The following KDM4A variants were observed in gnomAD, a reference collection of about 807,000 sequenced individuals.
The protein encoded by KDM4A is lysine demethylase 4A, also known as lysine-specific demethylase 4A.
Under a neutral mutation model 127.1 loss-of-function variants are expected in KDM4A, and 23 were observed. The ratio of observed to expected loss-of-function variants is 0.18; its 90% CI spans 0.13 to 0.26. The LOEUF (loss-of-function observed/expected upper bound fraction) is 0.26, where lower values mean the gene tolerates loss of function less well. Ranked by LOEUF, KDM4A falls within the 10% of genes least tolerant of loss-of-function variation. The pLI is 1.00. For missense variants in KDM4A, 890 were observed against 1,329.1 expected, an observed-to-expected ratio of 0.67 and a Z score of 5.14; for synonymous variants, 443 against 466.5, an observed-to-expected ratio of 0.95 and a Z score of 0.65.
rs142710744 is a variant in KDM4A, at chr1:43,651,505, C to T, written c.-40+1253C>T. Among the ~76,000 whole-genome samples, 1,198 of 152,336 alleles carry T rather than the reference C, an allele frequency of 7.9e-3. 6 individuals are homozygous for T. Among genetic ancestry groups the T allele is most frequent in the Non-Finnish European group, 0.012 (832 of 68,034 alleles). On this transcript the variant is annotated intron_variant, in intron 1 of 21. Coordinates refer to ENST00000372396, the MANE Select transcript of KDM4A (RefSeq NM_014663.3). ...GATTTGCCTTCTCTCCTACCTTACA[C>T]AGTTGTGCTCCGTGTTCTGCTCCCA... is the stretch of plus-strand genomic sequence containing the variant.
rs751664578 is a variant in KDM4A at position 43,703,614 on chromosome 1, C to T, written c.2842-3C>T. 2 of 1,613,698 alleles carry T rather than the reference C, an allele frequency of 1.2e-6. No individual in the cohort carries two copies. Among genetic ancestry groups the T allele is most frequent in the South Asian group, 2.2e-5 (2 of 91,052 alleles). On this transcript the variant is annotated splice_polypyrimidine_tract_variant and splice_region_variant and intron_variant, in intron 19 of 21. Transcript: ENST00000372396. ...TCACCCTCCTTCCTTCCTGTTTCCT[C>T]AGAGCCAGGACTGTCTCCAGTTTGG...
At position 43,653,248 on chromosome 1, in the gene KDM4A, C is replaced by T; in HGVS notation, c.73C>T (p.Arg25Ter). 1 of 1,613,950 alleles carries T rather than the reference C, an allele frequency of 6.2e-7. No individual in the cohort carries two copies. The highest frequency in any genetic ancestry group is 8.5e-7 in the Non-Finnish European group (1 of 1,179,910). The change falls in exon 2 of 22, where the codon CGA (arginine) becomes TGA (stop). Residue 25 changes from arginine to a stop codon, truncating the protein, a stop_gained. Coordinates refer to ENST00000372396, the MANE Select transcript of KDM4A (RefSeq NM_014663.3). LOFTEE classifies it high-confidence loss of function. ...MTFYPTMEEF[R>*]NFSRYIAYIE... ...CTTTTATCCAACTATGGAAGAGTTC[C>T]GAAACTTCAGTAGATACATTGCCTA...
At chr1:43,661,175 A>G (rs1415717042) in intron 4 of KDM4A, among the ~76,000 whole-genome samples, 5 of 151,814 alleles carry the variant, frequency 3.3e-5, no homozygotes, top group East Asian at 1.9e-4. Flanking sequence ...GGGTTTCTCC[A>G]TGTTGCTCAG....
At chr1:43,692,230 T>C in intron 15 of KDM4A, 26 bp from the exon 16 acceptor site, 1 of 1,612,532 alleles carries the variant, frequency 6.2e-7, no homozygotes, top group Non-Finnish European at 8.5e-7. Context: ...ATTAACCACT[T>C]TTTCCTCCCT....
Position 43,704,328 on chromosome 1 carries a change from A to G in KDM4A, c.3153A>G (p.Glu1051=), listed in dbSNP as rs775659157. The change falls in exon 22 of 22, where the codon GAA becomes GAG. Residue 1051 remains glutamate (E), a synonymous_variant. Coordinates refer to ENST00000372396, the MANE Select transcript of KDM4A (RefSeq NM_014663.3). ...RQRVINSRYR[E]DYIEPALYRA... ...GAGTTATCAACTCAAGATACCGGGA[A>G]GATTATATTGAGCCTGCACTATACC... 3 of 1,613,898 alleles carry G rather than the reference A, an allele frequency of 1.9e-6. No homozygotes were observed. The highest frequency in any genetic ancestry group is 2.5e-6 in the Non-Finnish European group (3 of 1,180,038).
chr1:43,658,866 T>C (rs1436024626), intron 3 of KDM4A, among the ~76,000 whole-genome samples: 3 of 151,920 alleles, frequency 2.0e-5, no homozygotes, highest in African/African-American at 7.2e-5. Context: ...TCTCAAACTC[T>C]TGGGCTCAAG....
At chr1:43,692,597 G>A (rs1392378085) in intron 16 of KDM4A, among the ~76,000 whole-genome samples, 2 of 152,188 alleles carry the variant, frequency 1.3e-5, no homozygotes, top group African/African-American at 4.8e-5. Context: ...AGACGAAGAT[G>A]ATGCGCAGGG....
In KDM4A at chr1:43,703,765, T is replaced by TG. The variant is rs569829326; in HGVS notation, c.2961+35dup. ...TCCAAAGTTCTACCTTTCTAGGGAG[T>TG]GGGGGGTGCTTGATTAATTCTGTGC... On this transcript the variant is annotated intron_variant, in intron 20 of 21. Coordinates refer to ENST00000372396, the MANE Select transcript of KDM4A (RefSeq NM_014663.3). The TG allele has an allele frequency of 2.5e-6, 4 of 1,612,736 alleles. No homozygotes were observed. The South Asian group carries it at 3.3e-5, about 13-fold the overall frequency.
At chr1:43,676,005 T>G (rs1570843180) in intron 11 of KDM4A, among the ~76,000 whole-genome samples, 1 of 136,364 alleles carries the variant, frequency 7.3e-6, no homozygotes, top group Admixed American at 7.9e-5. Flanking sequence ...CCTGGGGTGG[T>G]GGGGGGCGGA....
chr1:43,704,288 A>T lies in KDM4A; in HGVS notation c.3113A>T (p.Glu1038Val). ...TTCACAGAGAAAGAGGTTAAGCAAG[A>T]AAAGAAACGGCAACGAGTTATCAAC... ...EIFTEKEVKQ[E>V]KKRQRVINSR... is the part of the protein sequence containing the mutation. The change falls in exon 22 of 22, where the codon GAA becomes GTA. Residue 1038 changes from glutamate (E) to valine (V), a missense_variant. Glu to Val is a moderately radical substitution (Grantham distance 121). Transcript: ENST00000372396. 2 of 1,614,162 alleles carry T rather than the reference A, an allele frequency of 1.2e-6. No homozygotes were observed. Among genetic ancestry groups the T allele is most frequent in the Non-Finnish European group, 1.7e-6 (2 of 1,180,030 alleles).
At chr1:43,661,470 G>A (rs1660375232) in intron 4 of KDM4A, among the ~76,000 whole-genome samples, 1 of 151,324 alleles carries the variant, frequency 6.6e-6, no homozygotes, top group South Asian at 2.1e-4. Context: ...GTAGCCTGCA[G>A]TAGCGGGCGC....
chr1:43,704,170 A>T, intron 21 of KDM4A, 58 bp downstream of exon 21: 2 of 1,613,270 alleles, frequency 1.2e-6, no homozygotes, highest in Admixed American at 1.7e-5. Flanking sequence ...CAAGTCAAGG[A>T]TGCATCCCTT....
intron 6 of KDM4A, 88 bp downstream of exon 6, chr1:43,665,833 G>C (rs1660489521): frequency 7.3e-7 from 1 of 1,373,242 alleles, no homozygotes; most frequent in South Asian, 1.2e-5. Flanking sequence ...CCCATGGTCA[G>C]ATACTTGCAG....
chr1:43,681,911 A>T (rs1370794733), intron 11 of KDM4A, among the ~76,000 whole-genome samples: 2 of 152,164 alleles, frequency 1.3e-5, no homozygotes, highest in Non-Finnish European at 2.9e-5. Flanking sequence ...TTACATGGTT[A>T]AGACTGTCGG....
chr1:43,681,908 GT>G (rs139754583), intron 11 of KDM4A, among the ~76,000 whole-genome samples: 37,321 of 152,084 alleles, frequency 0.25, 5,000 homozygotes, highest in Non-Finnish European at 0.3. Context: ...TATTTACATG[GT>G]TAAGACTGTC....
rs1660615514 is a variant in KDM4A, at chr1:43,671,451, G to A, written c.1364-54G>A. On this transcript the variant is annotated intron_variant, in intron 10 of 21. Transcript: ENST00000372396. ...GTGCTTTGCCCTCTGCCTTTCATCA[G>A]GTTCACATGTGCAGGAGGAACTTGG... 7 of 1,489,326 alleles carry A rather than the reference G, an allele frequency of 4.7e-6. No homozygotes were observed. The South Asian group carries it at 1.0e-4, about 21-fold the overall frequency. The allele number at this position is 1,489,326 out of a possible 1,614,324, so 92.3% of individuals were successfully genotyped here. A position where few individuals can be genotyped will look rare whatever the true frequency, so the allele number is the denominator to read the frequency against.
At chr1:43,669,432 T>C in intron 10 of KDM4A, 133 bp downstream of exon 10, 1 of 884,916 alleles carries the variant, frequency 1.1e-6, no homozygotes, top group Non-Finnish European at 1.8e-6. Flanking sequence ...ATACTTGGAG[T>C]GTGAGAAGTG....
chr1:43,659,800 T>C (rs950845927), intron 3 of KDM4A, among the ~76,000 whole-genome samples: 75 of 152,252 alleles, frequency 4.9e-4, no homozygotes, highest in Non-Finnish European at 2.2e-4. Flanking sequence ...TGTCAGCCAC[T>C]GCGTAGGGCG....
intron 5 of KDM4A, among the ~76,000 whole-genome samples, chr1:43,665,189 G>A (rs1441163611): frequency 6.6e-6 from 1 of 152,180 alleles, no homozygotes; most frequent in African/African-American, 2.4e-5. Flanking sequence ...ATATGTAGCT[G>A]TTGGGGAGAT....
Sources: gnomAD v4.1 joint callset for allele counts (sites outside exome capture counted in the v4.1 genomes callset) on GRCh38, gnomAD v4.1.1 for gene constraint, MANE v1.5 for transcripts, NCBI Gene and HGNC (gene_info 2026-07-23, HGNC 2026-07-21) for gene names.